Variants in NPR1 observed in about 807,000 individuals in gnomAD.
NPR1 encodes the protein natriuretic peptide receptor 1.
NPR1 carries 57 observed loss-of-function variants against 116.9 expected under a neutral mutation model. That is an observed-to-expected ratio of 0.49 (90% CI 0.39 to 0.61). The LOEUF is 0.61. NPR1 is among the 20% of genes least tolerant of loss of function. The pLI, the probability that NPR1 is intolerant of heterozygous loss-of-function variation, is 0.00. For missense variants in NPR1, 1,096 were observed against 1,409.8 expected, an observed-to-expected ratio of 0.78 and a Z score of 3.56; for synonymous variants, 555 against 601.6, an observed-to-expected ratio of 0.92 and a Z score of 1.13.
Position 153,689,201 on chromosome 1 carries a change from C to T in NPR1, c.2578C>T (p.Gln860Ter). ...YQILPHSVAEQLKRGETVQAE... is the reference protein window; with the variant it reads ...YQILPHSVAE ...CTGACCCCTTAGCTCAGTGGCTGAG[C>T]AGCTGAAGCGTGGGGAGACGGTGCA... Residue 860 changes from glutamine (Q) to a stop codon, truncating the protein, a stop_gained, in exon 17 of 22, where the codon CAG (glutamine) becomes TAG (stop). Coordinates refer to ENST00000368680, the MANE Select transcript of NPR1 (RefSeq NM_000906.4). LOFTEE classifies it high-confidence loss of function. This position sits in a 1 kb window ranked among gnomAD's most constrained non-coding sequence, Gnocchi z 5.1. 6.2e-7 allele frequency: 1 copy of T among 1,614,208 alleles called. No homozygotes were observed. The highest frequency in any genetic ancestry group is 8.5e-7 in the Non-Finnish European group (1 of 1,180,036).
Position 153,689,577 on chromosome 1 carries a change from A to G in NPR1, c.2757+56A>G. 1 of 1,522,242 alleles carries G rather than the reference A, an allele frequency of 6.6e-7. No homozygotes were observed. 94.3% of individuals were successfully genotyped at this position (1,522,242 alleles called of 1,614,324 possible). On this transcript the variant is annotated intron_variant, in intron 18 of 21. Transcript: ENST00000368680. This position sits in a 1 kb window ranked among gnomAD's most constrained non-coding sequence, Gnocchi z 5.1. Reference sequence around the variant, plus strand: ...AGACAGACATGGACAAGGTCAGAAAAAGATGAGGGGTAGGCAGAATGATGT... The same window carrying G: ...AGACAGACATGGACAAGGTCAGAAAGAGATGAGGGGTAGGCAGAATGATGT...
At chr1:153,680,234 AGCTC>A (rs1669726018) in intron 1 of NPR1, among the ~76,000 whole-genome samples, 1 of 103,894 alleles carries the variant, frequency 9.6e-6, no homozygotes. Context: ...CTCCACCTTC[AGCTC>A]CACTATCCCC....
chr1:153,680,451 C>G lies in NPR1; in HGVS notation c.722-50C>G, dbSNP rs201041954. 9 of 1,577,760 alleles carry G rather than the reference C, an allele frequency of 5.7e-6. No individual in the cohort carries two copies. The African/African-American group carries it at 6.7e-5, about 12-fold the overall frequency. ...GGTGCCCCAGCTTTCCTACTCCTGT[C>G]TCTCCCGCAGTACCTAGGCTTCTCT... On this transcript the variant is annotated intron_variant, in intron 1 of 21. Transcript: ENST00000368680.
intron 20 of NPR1, among the ~76,000 whole-genome samples, chr1:153,692,096 A>G (rs1342836959): frequency 6.6e-6 from 1 of 152,036 alleles, no homozygotes; most frequent in African/African-American, 2.4e-5. Context: ...CGGCCACAAA[A>G]TGAGGGTATA....
chr1:153,684,874 T>C (rs1669882765), intron 7 of NPR1, 90 bp from the exon 8 acceptor site: 9 of 1,519,910 alleles, frequency 5.9e-6, no homozygotes, highest in Non-Finnish European at 8.1e-6. Flanking sequence ...GTGCATGGTG[T>C]GGTCCCACGG....
At chr1:153,685,156 A>G in intron 8 of NPR1, 72 bp downstream of exon 8, 1 of 1,566,068 alleles carries the variant, frequency 6.4e-7, no homozygotes, top group Non-Finnish European at 8.7e-7. Context: ...CCTGAGGGAT[A>G]GGTAAGGGAG....
At chr1:153,681,457 C>A in intron 3 of NPR1, 164 bp downstream of exon 3, 2 of 639,934 alleles carry the variant, frequency 3.1e-6, no homozygotes, top group African/African-American at 1.8e-5. Flanking sequence ...GCAAGTTCAG[C>A]CTCTGAAACT....
chr1:153,693,010 C>A, intron 20 of NPR1, 96 bp from the exon 21 acceptor site: 1 of 999,330 alleles, frequency 1.0e-6, no homozygotes, highest in Non-Finnish European at 1.5e-6. Flanking sequence ...TACCTGTCCA[C>A]CTGTCCACCC....
chr1:153,690,141 T>TCTCTCACA lies in NPR1; in HGVS notation c.2933-142_2933-141insTCTCACAC, dbSNP rs1553231949. The TCTCTCACA allele has an allele frequency of 1.9e-5, 7 of 363,308 alleles. No individual in the cohort carries two copies. The African/African-American group carries it at 2.0e-4, about 10-fold the overall frequency. The allele number at this position is 363,308 out of a possible 1,614,324, so 22.5% of individuals were successfully genotyped here. A position where few individuals can be genotyped will look rare whatever the true frequency, so the allele number is the denominator to read the frequency against. On this transcript the variant is annotated intron_variant, in intron 19 of 21. Transcript: ENST00000368680. ...CTCTCTCTCTCTCTCTCTCTCTCTCTCACACACACACACACACACACACAC... is the reference window on the plus strand; with the variant it reads ...CTCTCTCTCTCTCTCTCTCTCTCTCTCTCTCACACACACACACACACACACACACACAC...
Position 153,686,219 on chromosome 1 carries a change from C to T in NPR1, c.1758+19C>T. The T allele has an allele frequency of 6.2e-7, 1 of 1,611,870 alleles. No homozygotes were observed. The highest frequency in any genetic ancestry group is 8.5e-7 in the Non-Finnish European group (1 of 1,178,156). On this transcript the variant is annotated intron_variant, in intron 10 of 21. Transcript: ENST00000368680. The stretch of plus-strand genomic sequence containing the variant: ...GAAGCATGTAATGTGGGGAGTGAGG[C>T]AGTGGCATGGAGAAGGGGCCCTCGG...
intron 2 of NPR1, 193 bp from the exon 3 acceptor site, chr1:153,680,987 G>C: frequency 1.7e-6 from 1 of 600,906 alleles, no homozygotes; most frequent in Non-Finnish European, 3.0e-6. Context: ...GCCTGGACAG[G>C]ACTTGGAGAA....
Position 153,689,712 on chromosome 1 carries a change from G to A in NPR1, c.2758-94G>A, listed in dbSNP as rs1283281453. The A allele has an allele frequency of 2.2e-6, 3 of 1,349,108 alleles. No individual in the cohort carries two copies. Among genetic ancestry groups the A allele is most frequent in the Non-Finnish European group, 3.0e-6 (3 of 990,670 alleles). The allele number at this position is 1,349,108 out of a possible 1,614,324, so 83.6% of individuals were successfully genotyped here. Reference sequence around the variant, plus strand: ...TGGGGGATGAGCAAAGACAGATGAGGGTACAGAATGACAGACGCTGCACCC... The same window carrying A: ...TGGGGGATGAGCAAAGACAGATGAGAGTACAGAATGACAGACGCTGCACCC... On this transcript the variant is annotated intron_variant, in intron 18 of 21. Transcript: ENST00000368680. The surrounding 1 kb of genome is among the most constrained non-coding windows in gnomAD (Gnocchi z 5.1).
At chr1:153,686,310 G>T (rs1669926865) in intron 10 of NPR1, 110 bp downstream of exon 10, 2 of 1,052,020 alleles carry the variant, frequency 1.9e-6, no homozygotes, top group African/African-American at 1.6e-5. Context: ...CAAGAAAGGG[G>T]CAGGGACTGG....
chr1:153,689,768 C>A lies in NPR1; in HGVS notation c.2758-38C>A. 1 of 1,488,406 alleles carries A rather than the reference C, an allele frequency of 6.7e-7. No individual in the cohort carries two copies. The highest frequency in any genetic ancestry group is 9.0e-7 in the Non-Finnish European group (1 of 1,111,096). 92.2% of individuals were successfully genotyped at this position (1,488,406 alleles called of 1,614,324 possible). A position where few individuals can be genotyped will look rare whatever the true frequency, so the allele number is the denominator to read the frequency against. Reference sequence around the variant, plus strand: ...GACGGTGTGGCCGGCCGCACAGTTGCAGCCGTCAAGTCCTGCACCCCCTCG... The same window carrying A: ...GACGGTGTGGCCGGCCGCACAGTTGAAGCCGTCAAGTCCTGCACCCCCTCG... On this transcript the variant is annotated intron_variant, in intron 18 of 21. Transcript: ENST00000368680. This position sits in a 1 kb window ranked among gnomAD's most constrained non-coding sequence, Gnocchi z 5.1.
At chr1:153,691,198 C>T (rs1310228394) in intron 20 of NPR1, among the ~76,000 whole-genome samples, 1 of 152,134 alleles carries the variant, frequency 6.6e-6, no homozygotes, top group African/African-American at 2.4e-5. Context: ...CAAGCCTTAG[C>T]GGATTATCTG....
Position 153,683,764 on chromosome 1 carries a change from T to C in NPR1, c.1424T>C (p.Leu475Pro), listed in dbSNP as rs1261169119. The change falls in exon 7 of 22, where the codon CTG (leucine) becomes CCG (proline). Residue 475 changes from leucine to proline, a missense_variant. Coordinates refer to ENST00000368680, the MANE Select transcript of NPR1 (RefSeq NM_000906.4). Reference protein sequence around the residue: ...NQDHLSTLEVLALVGSLSLLG... With the variant: ...NQDHLSTLEVPALVGSLSLLG... ...GATCACCTTTCCACCCTGGAGGTGC[T>C]GGCTTTGGTGGGCAGCCTCTCCTTG... The C allele has an allele frequency of 2.5e-6, 4 of 1,614,180 alleles. No individual in the cohort carries two copies. The highest frequency in any genetic ancestry group is 3.4e-6 in the Non-Finnish European group (4 of 1,180,034).
At position 153,679,138 on chromosome 1, in the gene NPR1, C is replaced by T. The variant is rs752716418; in HGVS notation, c.30C>T (p.Ser10=). 6.9e-6 allele frequency: 10 copies of T among 1,451,918 alleles called. No homozygotes were observed. In the South Asian group the frequency reaches 1.4e-4, roughly 20 times the overall value. The allele number at this position is 1,451,918 out of a possible 1,614,324, so 89.9% of individuals were successfully genotyped here. ...CGGGGCCCCGGCGCCCCGCTGGCTC[C>T]CGCCTGCGCCTGCTCCTGCTCCTGC... MPGPRRPAG[S]RLRLLLLLLL... is the part of the protein sequence containing the mutation. Residue 10 remains serine (S), a synonymous_variant, in exon 1 of 22, where the codon TCC becomes TCT. Coordinates refer to ENST00000368680, the MANE Select transcript of NPR1 (RefSeq NM_000906.4). The surrounding 1 kb of genome is among the most constrained non-coding windows in gnomAD (Gnocchi z 4.2).
rs1670035513 is a variant in NPR1 at position 153,689,653 on chromosome 1, G to C, written c.2757+132G>C. 1.7e-6 allele frequency: 2 copies of C among 1,206,904 alleles called. No homozygotes were observed. The highest frequency in any genetic ancestry group is 3.0e-5 in the African/African-American group (2 of 67,450). The allele number at this position is 1,206,904 out of a possible 1,614,324, so 74.8% of individuals were successfully genotyped here. A position where few individuals can be genotyped will look rare whatever the true frequency, so the allele number is the denominator to read the frequency against. On this transcript the variant is annotated intron_variant, in intron 18 of 21. Transcript: ENST00000368680. This position sits in a 1 kb window ranked among gnomAD's most constrained non-coding sequence, Gnocchi z 5.1. Reference sequence around the variant, plus strand: ...ACACGGGCAGAGACAGTGACACAGGGAGACCCGGGAACAGGCAGAGAACCC... The same window carrying C: ...ACACGGGCAGAGACAGTGACACAGGCAGACCCGGGAACAGGCAGAGAACCC...
Position 153,679,159 on chromosome 1 carries a change from C to CCTG in NPR1, c.59_61dup (p.Leu20dup). On this transcript the variant is annotated inframe_insertion, in exon 1 of 22. Transcript: ENST00000368680. This position sits in a 1 kb window ranked among gnomAD's most constrained non-coding sequence, Gnocchi z 4.2. The stretch of plus-strand genomic sequence containing the variant: ...GCTCCCGCCTGCGCCTGCTCCTGCT[C>CCTG]CTGCTGCTGCCGCCGCTGCTGCTGC... 2 of 1,499,524 alleles carry CCTG rather than the reference C, an allele frequency of 1.3e-6. No individual in the cohort carries two copies. Among genetic ancestry groups the CCTG allele is most frequent in the Non-Finnish European group, 1.8e-6 (2 of 1,131,186 alleles). The allele number at this position is 1,499,524 out of a possible 1,614,324, so 92.9% of individuals were successfully genotyped here.
Sources: gnomAD v4.1 joint callset for allele counts (sites outside exome capture counted in the v4.1 genomes callset) on GRCh38, gnomAD v4.1.1 for gene constraint, Gnocchi (gnomAD v3.1) non-coding constraint, MANE v1.5 for transcripts, NCBI Gene and HGNC (gene_info 2026-07-23, HGNC 2026-07-21) for gene names.